Variants in CRTC3 observed in about 807,000 individuals in gnomAD.
CRTC3 encodes CREB-regulated transcription coactivator 3.
Under a neutral mutation model 74.5 loss-of-function variants are expected in CRTC3, and 26 were observed. The ratio of observed to expected loss-of-function variants is 0.35; its 90% CI spans 0.26 to 0.48. The LOEUF (loss-of-function observed/expected upper bound fraction) is 0.48, where lower values mean the gene tolerates loss of function less well. CRTC3 is among the 20% of genes least tolerant of loss of function. The pLI is 0.99. For missense variants in CRTC3, 760 were observed against 787.3 expected (o/e 0.97, Z 0.41); for synonymous variants, 377 against 325.8 (o/e 1.16, Z -1.69).
intron 2 of CRTC3, among the ~76,000 whole-genome samples, chr15:90,556,554 T>C (rs906050879): frequency 1.3e-5 from 2 of 152,228 alleles, no homozygotes; most frequent in African/African-American, 4.8e-5. Flanking sequence ...AGCACAAAAT[T>C]TAATCACACG....
At chr15:90,599,384 G>A (rs1246925786) in intron 3 of CRTC3, 1 of 152,188 alleles carries the variant, frequency 6.6e-6, no homozygotes, top group African/African-American at 2.4e-5. Flanking sequence ...TTGAGTAAAT[G>A]GTAAATTCAA....
chr15:90,579,064 T>C (rs1296213495), intron 2 of CRTC3, among the ~76,000 whole-genome samples: 1 of 152,104 alleles, frequency 6.6e-6, no homozygotes, highest in East Asian at 1.9e-4. Context: ...TCAAAAATAT[T>C]AGAAAAAAAA....
In CRTC3 at chr15:90,614,808, A is replaced by G. The variant is rs1055453740; in HGVS notation, c.613+320A>G. Among the ~76,000 whole-genome samples the G allele has an allele frequency of 4.5e-4, 68 of 152,210 alleles. 1 individual carries two copies. The highest frequency in any genetic ancestry group is 7.3e-5 in the Non-Finnish European group (5 of 68,038). On this transcript the variant is annotated intron_variant, in intron 7 of 14. Coordinates refer to ENST00000268184, the MANE Select transcript of CRTC3 (RefSeq NM_022769.5). ...GCCTGGCACAGTGGCTCATGCCTGT[A>G]ATCCCAGCACTTTGGGAGGCTGAGG...
chr15:90,639,910 G>A (rs965854127), intron 13 of CRTC3, among the ~76,000 whole-genome samples: 5 of 151,940 alleles, frequency 3.3e-5, no homozygotes, highest in East Asian at 3.9e-4. Context: ...TTAGCTGGGC[G>A]TGGTGGCAGG....
chr15:90,531,268 G>A (rs1417134291), intron 1 of CRTC3, among the ~76,000 whole-genome samples: 2 of 152,110 alleles, frequency 1.3e-5, no homozygotes, highest in African/African-American at 4.8e-5. Flanking sequence ...ATTTATATAT[G>A]TTAAAAATTG....
At chr15:90,625,643 A>G (rs1968806330) in intron 9 of CRTC3, 133 bp from the exon 10 acceptor site, 2 of 766,584 alleles carry the variant, frequency 2.6e-6, no homozygotes, top group Non-Finnish European at 4.5e-6. Context: ...TCTCAGAATC[A>G]GAGAGGCCGC....
chr15:90,639,230 G>T (rs780562143), intron 13 of CRTC3, among the ~76,000 whole-genome samples: 7 of 152,132 alleles, frequency 4.6e-5, no homozygotes, highest in African/African-American at 1.4e-4. Flanking sequence ...CCAGCACAGC[G>T]TGGGGCCTCC....
In CRTC3 at chr15:90,638,767, G is replaced by A. The variant is rs1414812236; in HGVS notation, c.1500G>A (p.Val500=). 1 of 1,614,036 alleles carries A rather than the reference G, an allele frequency of 6.2e-7. No homozygotes were observed. Among genetic ancestry groups the A allele is most frequent in the Non-Finnish European group, 8.5e-7 (1 of 1,180,038 alleles). The change falls in exon 13 of 15, where the codon GTG becomes GTA. Residue 500 remains valine (V), a synonymous_variant. Coordinates refer to ENST00000268184, the MANE Select transcript of CRTC3 (RefSeq NM_022769.5). ...GSSLTNFFPD[V]GFDQQSMRPG... ...CTTTGACCAACTTCTTCCCAGATGT[G>A]GGTTTTGACCAGCAGTCCATGAGGC... is the stretch of plus-strand genomic sequence containing the variant.
At chr15:90,629,117 G>C in intron 10 of CRTC3, 117 bp from the exon 11 acceptor site, 6 of 954,996 alleles carry the variant, frequency 6.3e-6, no homozygotes, top group Non-Finnish European at 9.2e-6. Flanking sequence ...CTGTCCAGGA[G>C]CTCCTTTACC....
At position 90,638,511 on chromosome 15, in the gene CRTC3, G is replaced by A. The variant is rs781042347; in HGVS notation, c.1332G>A (p.Pro444=). ...CAGAAGCTCAAGCCCAGGTGTCGCC[G>A]CCACCCCCTTACCCTGCACCCCAGG... ...LPTEAQAQVS[P]PPPYPAPQEL... Residue 444 remains proline (P), a synonymous_variant, in exon 12 of 15, where the codon CCG becomes CCA. Coordinates refer to ENST00000268184, the MANE Select transcript of CRTC3 (RefSeq NM_022769.5). 22 of 1,613,656 alleles carry A rather than the reference G, an allele frequency of 1.4e-5. No individual in the cohort carries two copies. Among genetic ancestry groups the A allele is most frequent in the South Asian group, 1.3e-4 (12 of 91,072 alleles).
At position 90,641,983 on chromosome 15, in the gene CRTC3, T is replaced by C. The variant is rs750551710; in HGVS notation, c.1703T>C (p.Leu568Pro). ...FKDLNSALAG[L>P]PEVSLNVDTP... ...GACCTCAACAGTGCGCTGGCAGGCC[T>C]GCCTGAGGTCAGCCTGAACGTGGAC... is the stretch of plus-strand genomic sequence containing the variant. The change falls in exon 15 of 15, where the codon CTG becomes CCG. Residue 568 changes from leucine (L) to proline (P), a missense_variant. Physicochemically the swap from Leu to Pro is moderately conservative, Grantham distance 98. Around this residue, in one of 2 missense-constraint regions of CRTC3, gnomAD observed 652 missense variants for 635.2 expected, o/e 1.03. Transcript: ENST00000268184. 1.2e-6 allele frequency: 2 copies of C among 1,613,804 alleles called. No individual in the cohort carries two copies. Among genetic ancestry groups the C allele is most frequent in the East Asian group, 2.2e-5 (1 of 44,870 alleles).
intron 9 of CRTC3, chr15:90,620,221 G>A (rs1596131425): frequency 5.4e-6 from 1 of 184,772 alleles, no homozygotes; most frequent in East Asian, 1.7e-4. Context: ...AATTAAGAGA[G>A]TTTCTGTGAA....
At position 90,579,634 on chromosome 15, in the gene CRTC3, C is replaced by CTTT. The variant is rs146273285; in HGVS notation, c.232-13979_232-13977dup. Among the ~76,000 whole-genome samples, 435 of 84,178 alleles carry CTTT rather than the reference C, an allele frequency of 5.2e-3. 11 individuals are homozygous for CTTT. The highest frequency in any genetic ancestry group is 0.015 in the East Asian group (37 of 2,422). The allele number at this position is 84,178 out of a possible 152,430, so 55.2% of individuals were successfully genotyped here. On this transcript the variant is annotated intron_variant, in intron 2 of 14. Coordinates refer to ENST00000268184, the MANE Select transcript of CRTC3 (RefSeq NM_022769.5). ...GATTACATGGAGTAAACGTATTTCA[C>CTTT]TTTTTTTTTTTTTTTTTTTTTTTTT...
At chr15:90,560,204 A>C (rs1296851782) in intron 2 of CRTC3, among the ~76,000 whole-genome samples, 1 of 152,134 alleles carries the variant, frequency 6.6e-6, no homozygotes, top group African/African-American at 2.4e-5. Context: ...TTATTCATTC[A>C]GCTAGTATTT....
chr15:90,598,179 G>A (rs1370259525), intron 3 of CRTC3: 3 of 471,798 alleles, frequency 6.4e-6, no homozygotes, highest in African/African-American at 3.9e-5. Context: ...CTTCCAGGCT[G>A]CCCCGACAAG....
intron 5 of CRTC3, among the ~76,000 whole-genome samples, chr15:90,606,182 G>T (rs565994248): frequency 9.2e-5 from 14 of 152,258 alleles, no homozygotes; most frequent in African/African-American, 3.1e-4. Flanking sequence ...CTTGAACCCG[G>T]GAGGCAGAGG....
At chr15:90,605,489 G>A (rs923494079) in intron 5 of CRTC3, among the ~76,000 whole-genome samples, 2 of 152,096 alleles carry the variant, frequency 1.3e-5, no homozygotes, top group Admixed American at 6.6e-5. Context: ...CCACAATGCC[G>A]CTATTACACT....
chr15:90,546,757 G>A (rs1966844903), intron 2 of CRTC3, among the ~76,000 whole-genome samples: 1 of 152,148 alleles, frequency 6.6e-6, no homozygotes, highest in Admixed American at 6.5e-5. Flanking sequence ...TGAGTAGCTG[G>A]GACTACAGGT....
Position 90,550,501 on chromosome 15 carries a change from GT to G in CRTC3, c.231+10368del, listed in dbSNP as rs146962686. On this transcript the variant is annotated intron_variant, in intron 2 of 14. Transcript: ENST00000268184. ...TATTTGATGGAAAATTGTGGAAAAT[GT>G]TTTAGTAACTTAGTACAAGGTTAAA... Among the ~76,000 whole-genome samples the G allele has an allele frequency of 5.0e-3, 699 of 140,040 alleles. 7 individuals are homozygous for G. The highest frequency in any genetic ancestry group is 8.9e-3 in the Non-Finnish European group (583 of 65,242). 91.9% of individuals were successfully genotyped at this position (140,040 alleles called of 152,430 possible).
Sources: gnomAD v4.1 joint callset for allele counts (sites outside exome capture counted in the v4.1 genomes callset) on GRCh38, gnomAD v4.1.1 for gene constraint, gnomAD v4.1.1 regional missense constraint, MANE v1.5 for transcripts, NCBI Gene and HGNC (gene_info 2026-07-23, HGNC 2026-07-21) for gene names.